The following FRAS1 variants were observed in gnomAD, a reference collection of about 807,000 sequenced individuals.
FRAS1 encodes the protein Fraser extracellular matrix complex subunit 1, also known as extracellular matrix organizing protein FRAS1.
Under a neutral mutation model 435.2 loss-of-function variants are expected in FRAS1, and 290 were observed. That is an observed-to-expected ratio of 0.67 (90% CI 0.61 to 0.73). FRAS1 has a LOEUF of 0.73. Among genes scored for constraint, FRAS1 ranks in the 30% least tolerant of loss-of-function variants. The pLI, the probability that FRAS1 is intolerant of heterozygous loss-of-function variation, is 0.00. For missense variants in FRAS1, 4,860 were observed against 5,001.5 expected (o/e 0.97, Z 0.85); for synonymous variants, 1,800 against 1,851.0 (o/e 0.97, Z 0.71).
At chr4:78,081,655 G>C (rs1417262404) in intron 2 of FRAS1, among the ~76,000 whole-genome samples, 1 of 152,222 alleles carries the variant, frequency 6.6e-6, no homozygotes, top group Admixed American at 6.5e-5. Context: ...GCCCCTCTGT[G>C]GTAGGTCCTC....
chr4:78,298,335 G>A (rs1004358902), intron 14 of FRAS1, among the ~76,000 whole-genome samples: 20 of 151,044 alleles, frequency 1.3e-4, no homozygotes, highest in Non-Finnish European at 2.7e-4. Context: ...TTATAGTGAT[G>A]TGTATATAAA....
chr4:78,114,114 G>A (rs10031669), intron 2 of FRAS1, among the ~76,000 whole-genome samples: 32,569 of 151,906 alleles, frequency 0.21, 3,805 homozygotes, highest in Admixed American at 0.28. Context: ...GTTTTTCTCA[G>A]GTTTGTCAAA....
intron 2 of FRAS1, among the ~76,000 whole-genome samples, chr4:78,235,850 G>A (rs1346032974): frequency 6.6e-6 from 1 of 152,234 alleles, no homozygotes; most frequent in Non-Finnish European, 1.5e-5. Context: ...TTGGGAGGCT[G>A]AGGTGGGAGG....
intron 4 of FRAS1, among the ~76,000 whole-genome samples, chr4:78,251,503 T>C (rs2110132204): frequency 6.6e-6 from 1 of 152,336 alleles, no homozygotes; most frequent in Non-Finnish European, 1.5e-5. Flanking sequence ...TCACCCCCCA[T>C]GCTGTACCTT....
At chr4:78,195,661 G>T (rs904949934) in intron 2 of FRAS1, among the ~76,000 whole-genome samples, 1 of 152,150 alleles carries the variant, frequency 6.6e-6, no homozygotes, top group African/African-American at 2.4e-5. Flanking sequence ...TTTTCCAGGT[G>T]CTGTCTTGTC....
At chr4:78,108,739 TA>T (rs1461171620) in intron 2 of FRAS1, among the ~76,000 whole-genome samples, 1 of 77,540 alleles carries the variant, frequency 1.3e-5, no homozygotes, top group Non-Finnish European at 2.4e-5. Context: ...AGGCAAGAAA[TA>T]ACTAAAATCA....
At chr4:78,464,353 G>A (rs769166914) in intron 48 of FRAS1, 90 bp from the exon 49 acceptor site, 127 of 1,544,652 alleles carry the variant, frequency 8.2e-5, no homozygotes, top group Non-Finnish European at 1.0e-4. Context: ...CAAGCAATGT[G>A]TGAAAGAGAA....
intron 18 of FRAS1, among the ~76,000 whole-genome samples, chr4:78,321,633 C>T (rs1000055399): frequency 1.1e-4 from 16 of 152,092 alleles, no homozygotes; most frequent in Admixed American, 9.2e-4. Context: ...CACCTGAGGT[C>T]TGGAGTTCGA....
chr4:78,181,130 T>G lies in FRAS1; in HGVS notation c.109-56380T>G, dbSNP rs906334051. The G allele has an allele frequency of 5.7e-6, 9 of 1,576,076 alleles. 1 individual carries two copies. The Admixed American group carries it at 1.5e-4, about 26-fold the overall frequency. The stretch of plus-strand genomic sequence containing the variant: ...TCTTTGATTTATGAAAACAAATCCC[T>G]TCTTCCACTGCCCATCAGCACCTTC... On this transcript the variant is annotated intron_variant, in intron 2 of 73. Transcript: ENST00000512123.
chr4:78,438,734 G>T lies in FRAS1; in HGVS notation c.5366+16G>T, dbSNP rs1560728175. ...AGAAAATCAGGTACATAATCACTTT[G>T]TATTATTTGACAGATTCTTAAAAAC... On this transcript the variant is annotated intron_variant, in intron 39 of 73. Coordinates refer to ENST00000512123, the MANE Select transcript of FRAS1 (RefSeq NM_025074.7). 1 of 1,564,358 alleles carries T rather than the reference G, an allele frequency of 6.4e-7. No homozygotes were observed. Among genetic ancestry groups the T allele is most frequent in the Non-Finnish European group, 8.7e-7 (1 of 1,153,678 alleles).
chr4:78,298,244 T>C (rs1373846585), intron 14 of FRAS1, among the ~76,000 whole-genome samples: 1 of 149,686 alleles, frequency 6.7e-6, no homozygotes, highest in Admixed American at 6.7e-5. Context: ...TAAATGTATA[T>C]TATTAAATAT....
intron 60 of FRAS1, among the ~76,000 whole-genome samples, chr4:78,498,509 A>AG (rs1357376093): frequency 1.6e-4 from 6 of 37,354 alleles, no homozygotes; most frequent in African/African-American, 2.6e-4. Flanking sequence ...TCTGTCTCAA[A>AG]GAAAAAAAAA....
intron 2 of FRAS1, among the ~76,000 whole-genome samples, chr4:78,222,718 C>T (rs1219163016): frequency 6.6e-6 from 1 of 152,182 alleles, no homozygotes; most frequent in African/African-American, 2.4e-5. Flanking sequence ...GGTGGGTCTC[C>T]TAATTTGCTT....
intron 2 of FRAS1, among the ~76,000 whole-genome samples, chr4:78,124,714 T>C (rs572863557): frequency 2.1e-4 from 32 of 152,366 alleles, no homozygotes; most frequent in African/African-American, 6.7e-4. Context: ...AGGGTGTATG[T>C]GTCCAGGAAT....
chr4:78,491,907 T>C (rs1720363455), intron 59 of FRAS1, among the ~76,000 whole-genome samples: 1 of 152,182 alleles, frequency 6.6e-6, no homozygotes, highest in South Asian at 2.1e-4. Context: ...GAAAACCCCA[T>C]TGTCTCAGCC....
chr4:78,098,213 C>T (rs140253272), intron 2 of FRAS1, among the ~76,000 whole-genome samples: 2 of 151,676 alleles, frequency 1.3e-5, no homozygotes, highest in East Asian at 3.9e-4. Flanking sequence ...CCACTGTTTT[C>T]TTGCCACTCT....
chr4:78,298,504 C>A (rs1442514044), intron 14 of FRAS1, among the ~76,000 whole-genome samples: 3 of 151,940 alleles, frequency 2.0e-5, no homozygotes, highest in Non-Finnish European at 4.4e-5. Context: ...TTGTGTCTGG[C>A]CATGGAACAT....
At chr4:78,489,405 GTTA>G (rs985864900) in intron 59 of FRAS1, among the ~76,000 whole-genome samples, 7 of 152,094 alleles carry the variant, frequency 4.6e-5, no homozygotes, top group African/African-American at 1.7e-4. Context: ...GAGAAAAAAT[GTTA>G]TTAAGAAGTG....
intron 2 of FRAS1, among the ~76,000 whole-genome samples, chr4:78,176,316 C>T (rs1269449450): frequency 6.6e-6 from 1 of 152,132 alleles, no homozygotes; most frequent in African/African-American, 2.4e-5. Flanking sequence ...GAGCAGAAAT[C>T]CCTTTTAAAG....
Sources: allele counts gnomAD v4.1 joint callset (sites outside exome capture counted in the v4.1 genomes callset), GRCh38; gene constraint gnomAD v4.1.1; transcripts MANE v1.5; gene names NCBI Gene and HGNC (gene_info 2026-07-23, HGNC 2026-07-21).